LCOR: variants seen among roughly 807,000 people sequenced by gnomAD.
LCOR encodes ligand-dependent corepressor.
LCOR carries 14 observed loss-of-function variants against 64.4 expected under a neutral mutation model. The ratio of observed to expected loss-of-function variants is 0.22; its 90% CI spans 0.14 to 0.34. The LOEUF is 0.34. LCOR is among the 10% of genes least tolerant of loss of function. LCOR has a pLI of 1.00. For missense variants in LCOR, 1,686 were observed against 1,765.3 expected, an observed-to-expected ratio of 0.96 and a Z score of 0.80; for synonymous variants, 643 against 642.5, an observed-to-expected ratio of 1.00 and a Z score of -0.01.
intron 4 of LCOR, among the ~76,000 whole-genome samples, chr10:96,912,830 T>C (rs984700312): frequency 6.6e-6 from 1 of 152,202 alleles, no homozygotes; most frequent in Non-Finnish European, 1.5e-5. Flanking sequence ...ATTTCCATAA[T>C]TTCTTCTACA....
chr10:96,958,374 C>G (rs1340667099), intron 7 of LCOR: 14 of 1,530,536 alleles, frequency 9.1e-6, no homozygotes, highest in Admixed American at 2.0e-5. Flanking sequence ...ATGGAGTGAT[C>G]ATTTTACTAA....
chr10:96,951,648 C>T (rs1176313063), intron 6 of LCOR, among the ~76,000 whole-genome samples: 5 of 151,770 alleles, frequency 3.3e-5, no homozygotes, highest in African/African-American at 1.2e-4. Flanking sequence ...TTTTCTATAT[C>T]GAATTTGTAT....
chr10:96,984,535 C>T lies in LCOR; in HGVS notation c.4075C>T (p.Leu1359Phe). Reference sequence around the variant, plus strand: ...CATCAACCCTCTGATGTCCCCCAAGCTTGCCCTGCAAGTGGATGCAGATGG... The same window carrying T: ...CATCAACCCTCTGATGTCCCCCAAGTTTGCCCTGCAAGTGGATGCAGATGG... ...VCINPLMSPK[L>F]ALQVDADGFP... The change falls in exon 8 of 8, where the codon CTT becomes TTT. Residue 1359 changes from leucine (L) to phenylalanine (F), a missense_variant. Around this residue, in one of 3 missense-constraint regions of LCOR, gnomAD observed 1,293 missense variants for 1,410.4 expected, o/e 0.92. Coordinates refer to ENST00000421806, the MANE Select transcript of LCOR (RefSeq NM_001346516.2). The T allele has an allele frequency of 6.2e-7, 1 of 1,614,224 alleles. No homozygotes were observed. Among genetic ancestry groups the T allele is most frequent in the South Asian group, 1.1e-5 (1 of 91,088 alleles).
At chr10:96,869,545 C>G (rs1422667017) in intron 2 of LCOR, among the ~76,000 whole-genome samples, 1 of 150,138 alleles carries the variant, frequency 6.7e-6, no homozygotes, top group Non-Finnish European at 1.5e-5. Context: ...ATTAGTATCT[C>G]AGTAGTTCGT....
At chr10:96,888,734 C>G (rs1380799835) in intron 2 of LCOR, among the ~76,000 whole-genome samples, 1 of 152,108 alleles carries the variant, frequency 6.6e-6, no homozygotes, top group Non-Finnish European at 1.5e-5. Flanking sequence ...AATTTTACCT[C>G]ATGTATAAAT....
At chr10:96,956,731 C>T (rs752884445) in intron 7 of LCOR, 106 of 985,552 alleles carry the variant, frequency 1.1e-4, no homozygotes, top group Non-Finnish European at 1.2e-4. Flanking sequence ...TCATGGAGGA[C>T]GAGCTCCGTA....
intron 2 of LCOR, among the ~76,000 whole-genome samples, chr10:96,862,022 C>A (rs1039276252): frequency 8.5e-5 from 13 of 152,192 alleles, no homozygotes; most frequent in African/African-American, 2.9e-4. Context: ...CATTTGATTA[C>A]TTTGCTAGAG....
chr10:96,983,044 C>T lies in LCOR; in HGVS notation c.2584C>T (p.Pro862Ser), dbSNP rs2134565193. Residue 862 changes from proline to serine, a missense_variant, in exon 8 of 8, where the codon CCT becomes TCT. Transcript: ENST00000421806. This position sits in a 1 kb window ranked among gnomAD's most constrained non-coding sequence, Gnocchi z 4.5. ...AAAACGTTCAAAAAAAGAAGGGCAC[C>T]CTGGTGGGACAACACCTAAGGGCCT... ...SAKRSKKEGH[P>S]GGTTPKGLLP... 6.2e-7 allele frequency: 1 copy of T among 1,613,898 alleles called. No homozygotes were observed. The highest frequency in any genetic ancestry group is 8.5e-7 in the Non-Finnish European group (1 of 1,179,934).
chr10:96,978,282 T>C (rs1277372862), intron 7 of LCOR, among the ~76,000 whole-genome samples: 1 of 152,236 alleles, frequency 6.6e-6, no homozygotes, highest in East Asian at 1.9e-4. Flanking sequence ...GTGTCACTGA[T>C]GTCTTGCCTG....
chr10:96,894,655 A>G (rs966547380), intron 2 of LCOR, among the ~76,000 whole-genome samples: 1 of 152,208 alleles, frequency 6.6e-6, no homozygotes, highest in Non-Finnish European at 1.5e-5. Context: ...ATTTTCTAAT[A>G]TATCCTTCAA....
At chr10:96,897,285 G>A (rs982135504) in intron 2 of LCOR, among the ~76,000 whole-genome samples, 10 of 152,278 alleles carry the variant, frequency 6.6e-5, no homozygotes, top group African/African-American at 2.2e-4. Flanking sequence ...GGCTGTATCT[G>A]CAAGCACATT....
In LCOR at chr10:96,856,503, C is replaced by T. The variant is rs551071960; in HGVS notation, c.-330+23024C>T. ...TGCCTTCCTTCCTTTATTTCTCTCTCTCTTTCAGTCCCCACTGTCTTACCC... is the reference window on the plus strand; with the variant it reads ...TGCCTTCCTTCCTTTATTTCTCTCTTTCTTTCAGTCCCCACTGTCTTACCC... On this transcript the variant is annotated intron_variant, in intron 2 of 7. Coordinates refer to ENST00000421806, the MANE Select transcript of LCOR (RefSeq NM_001346516.2). 2.0e-5 allele frequency among the ~76,000 whole-genome samples: 3 copies of T among 149,884 alleles called. No homozygotes were observed. In the South Asian group the frequency reaches 6.4e-4, roughly 32 times the overall value.
chr10:96,881,395 A>G (rs1415156432), intron 2 of LCOR, among the ~76,000 whole-genome samples: 1 of 152,136 alleles, frequency 6.6e-6, no homozygotes, highest in African/African-American at 2.4e-5. Flanking sequence ...TGCTGTTGCT[A>G]TGTGAATGTG....
At chr10:96,873,028 CATAG>C (rs1160623166) in intron 2 of LCOR, among the ~76,000 whole-genome samples, 1 of 151,892 alleles carries the variant, frequency 6.6e-6, no homozygotes, top group East Asian at 1.9e-4. Flanking sequence ...ACTTTAATTG[CATAG>C]ACACAGATAG....
In LCOR at chr10:96,984,561, G is replaced by A; in HGVS notation, c.4101G>A (p.Gly1367=). ...TTGCCCTGCAAGTGGATGCAGATGG[G>A]TTTCCTGTTAAGCCCAAGAGTACTG... is the stretch of plus-strand genomic sequence containing the variant. ...PKLALQVDAD[G]FPVKPKSTEG... The change falls in exon 8 of 8, where the codon GGG becomes GGA. Residue 1367 remains glycine (G), a synonymous_variant. Transcript: ENST00000421806. The A allele has an allele frequency of 6.2e-7, 1 of 1,614,214 alleles. No individual in the cohort carries two copies. The highest frequency in any genetic ancestry group is 1.6e-4 in the Middle Eastern group (1 of 6,062).
intron 1 of LCOR, among the ~76,000 whole-genome samples, chr10:96,832,725 G>A (rs1273486862): frequency 6.7e-6 from 1 of 149,120 alleles, no homozygotes; most frequent in African/African-American, 2.5e-5. Context: ...CCCTGCTCCC[G>A]CTCCAGGCCC....
chr10:96,864,541 A>G (rs1845939040), intron 2 of LCOR, among the ~76,000 whole-genome samples: 1 of 152,216 alleles, frequency 6.6e-6, no homozygotes, highest in Non-Finnish European at 1.5e-5. Context: ...TTAGAATATA[A>G]TGGGAAAAAC....
intron 7 of LCOR, chr10:96,958,921 A>AAC (rs1554840800): frequency 3.9e-5 from 6 of 152,148 alleles, no homozygotes; most frequent in Admixed American, 1.3e-4. Context: ...AAAAAAAAAA[A>AAC]AAAAAACAAA....
intron 4 of LCOR, among the ~76,000 whole-genome samples, chr10:96,917,179 C>T (rs117302021): frequency 6.6e-6 from 1 of 152,284 alleles, no homozygotes; most frequent in East Asian, 1.9e-4. Flanking sequence ...AAGGAGAAAT[C>T]ATTAATTGGT....
Sources: gnomAD v4.1 joint callset for allele counts (sites outside exome capture counted in the v4.1 genomes callset) on GRCh38, gnomAD v4.1.1 for gene constraint, gnomAD v4.1.1 regional missense constraint, Gnocchi (gnomAD v3.1) non-coding constraint, MANE v1.5 for transcripts, NCBI Gene and HGNC (gene_info 2026-07-23, HGNC 2026-07-21) for gene names.